PTPRG: variants seen among roughly 807,000 people sequenced by gnomAD.
PTPRG encodes receptor-type tyrosine-protein phosphatase gamma.
PTPRG carries 102 observed loss-of-function variants against 165.3 expected under a neutral mutation model. The observed-to-expected ratio is 0.62, with a 90% CI of 0.53 to 0.73. The LOEUF (loss-of-function observed/expected upper bound fraction) is 0.73, where lower values mean the gene tolerates loss of function less well. Ranked by LOEUF, PTPRG falls within the 30% of genes least tolerant of loss-of-function variation. PTPRG has a pLI of 0.00. For missense variants in PTPRG, 1,866 were observed against 1,861.4 expected (o/e 1.00, Z -0.05); for synonymous variants, 675 against 669.5 (o/e 1.01, Z -0.13).
At chr3:61,853,707 G>A (rs1019702569) in intron 2 of PTPRG, among the ~76,000 whole-genome samples, 1 of 152,188 alleles carries the variant, frequency 6.6e-6, no homozygotes, top group Non-Finnish European at 1.5e-5. Flanking sequence ...GGGGGATTTA[G>A]TTACACAGCA....
At chr3:62,009,021 C>A (rs2041358634) in intron 4 of PTPRG, among the ~76,000 whole-genome samples, 1 of 152,176 alleles carries the variant, frequency 6.6e-6, no homozygotes, top group African/African-American at 2.4e-5. Flanking sequence ...CTATAACGAG[C>A]AAATGAACAG....
At position 61,562,501 on chromosome 3, in the gene PTPRG, C is replaced by G. The variant is rs1699784111; in HGVS notation, c.85+129C>G. 29 of 782,518 alleles carry G rather than the reference C, an allele frequency of 3.7e-5. No homozygotes were observed. The South Asian group carries it at 4.4e-4, about 12-fold the overall frequency. 48.5% of individuals were successfully genotyped at this position (782,518 alleles called of 1,614,324 possible). On this transcript the variant is annotated intron_variant, in intron 1 of 29. Transcript: ENST00000474889. ...GAGAGGGTGGAGGGTGGCCCGGCGC[C>G]CGGATAGGAGAAAAGGATTGCTCCG...
In PTPRG at chr3:62,142,934, C is replaced by G. The variant is rs76506145; in HGVS notation, c.682+10266C>G. Among the ~76,000 whole-genome samples the G allele has an allele frequency of 2.6e-3, 393 of 152,284 alleles. 1 individual carries two copies. The highest frequency in any genetic ancestry group is 8.7e-3 in the African/African-American group (363 of 41,576). ...GAGATACAACCACCATGGCCCGCAT[C>G]ATATAGAAAGGCAAGCAAAGCAGTC... is the stretch of plus-strand genomic sequence containing the variant. On this transcript the variant is annotated intron_variant, in intron 6 of 29. Coordinates refer to ENST00000474889, the MANE Select transcript of PTPRG (RefSeq NM_002841.4).
intron 12 of PTPRG, among the ~76,000 whole-genome samples, chr3:62,208,354 CAA>C (rs1700280139): frequency 6.6e-6 from 1 of 152,194 alleles, no homozygotes. Context: ...GCATACCCTA[CAA>C]AAACATTTCA....
intron 1 of PTPRG, among the ~76,000 whole-genome samples, chr3:61,621,587 C>G (rs1701459510): frequency 6.6e-6 from 1 of 152,122 alleles, no homozygotes; most frequent in South Asian, 2.1e-4. Context: ...TCTTCCTTAA[C>G]TCCTTCACTC....
chr3:61,619,814 G>C (rs1254400151), intron 1 of PTPRG, among the ~76,000 whole-genome samples: 1 of 152,182 alleles, frequency 6.6e-6, no homozygotes, highest in Non-Finnish European at 1.5e-5. Context: ...TAGTGGATTT[G>C]TTTATGGGCT....
At chr3:61,939,457 A>G (rs1284327437) in intron 2 of PTPRG, among the ~76,000 whole-genome samples, 1 of 152,236 alleles carries the variant, frequency 6.6e-6, no homozygotes, top group Admixed American at 6.5e-5. Flanking sequence ...AGATTGCTAA[A>G]TCTGTCATCC....
At chr3:61,603,043 A>G (rs941809701) in intron 1 of PTPRG, among the ~76,000 whole-genome samples, 3 of 152,042 alleles carry the variant, frequency 2.0e-5, no homozygotes, top group African/African-American at 7.2e-5. Flanking sequence ...ACATTTAGTG[A>G]TGTTACTTCA....
In PTPRG at chr3:61,928,811, G is replaced by A. The variant is rs138176217; in HGVS notation, c.191-60814G>A. Reference sequence around the variant, plus strand: ...TTTATAGAAAGGTATCAGATGTATTGTGACAGTCTATAGATGTAATAAAAT... The same window carrying A: ...TTTATAGAAAGGTATCAGATGTATTATGACAGTCTATAGATGTAATAAAAT... On this transcript the variant is annotated intron_variant, in intron 2 of 29. Coordinates refer to ENST00000474889, the MANE Select transcript of PTPRG (RefSeq NM_002841.4). Among the ~76,000 whole-genome samples the A allele has an allele frequency of 2.6e-4, 39 of 152,178 alleles. No individual in the cohort carries two copies. In the East Asian group the frequency reaches 7.4e-3, roughly 29 times the overall value.
chr3:61,991,846 G>C (rs902551121), intron 3 of PTPRG, among the ~76,000 whole-genome samples: 1 of 152,162 alleles, frequency 6.6e-6, no homozygotes, highest in Non-Finnish European at 1.5e-5. Context: ...ACAGCTTTCA[G>C]CTTCGTATCA....
chr3:61,764,064 C>A (rs2033939867), intron 2 of PTPRG, among the ~76,000 whole-genome samples: 1 of 152,030 alleles, frequency 6.6e-6, no homozygotes, highest in South Asian at 2.1e-4. Context: ...AGGATATAGG[C>A]ATTATAGAGG....
At chr3:62,000,097 G>A (rs974012701) in intron 3 of PTPRG, among the ~76,000 whole-genome samples, 1 of 152,108 alleles carries the variant, frequency 6.6e-6, no homozygotes, top group Non-Finnish European at 1.5e-5. Context: ...GAGGTCAGGA[G>A]TTCGAGACCA....
chr3:61,701,999 G>A (rs1338152970), intron 1 of PTPRG, among the ~76,000 whole-genome samples: 2 of 151,896 alleles, frequency 1.3e-5, no homozygotes, highest in African/African-American at 2.4e-5. Flanking sequence ...TATTTTTTGA[G>A]ACAGGGTCTC....
chr3:61,884,376 C>G (rs1443356245), intron 2 of PTPRG, among the ~76,000 whole-genome samples: 1 of 152,046 alleles, frequency 6.6e-6, no homozygotes. Flanking sequence ...TGGGTCAGCC[C>G]TCAGGGAATT....
intron 4 of PTPRG, among the ~76,000 whole-genome samples, chr3:62,046,261 G>GCGTA (rs3068429): frequency 0.42 from 63,896 of 151,674 alleles, 13,967 homozygotes; most frequent in Middle Eastern, 0.54. Flanking sequence ...TTCCCCCAGA[G>GCGTA]CGTATCCTTG....
At chr3:62,241,368 A>G (rs1701156142) in intron 14 of PTPRG, among the ~76,000 whole-genome samples, 1 of 152,092 alleles carries the variant, frequency 6.6e-6, no homozygotes, top group Non-Finnish European at 1.5e-5. Context: ...GCCCACCCAT[A>G]TATTTGTGTG....
At chr3:62,196,055 T>A (rs1045279739) in intron 10 of PTPRG, among the ~76,000 whole-genome samples, 3 of 151,494 alleles carry the variant, frequency 2.0e-5, no homozygotes. Context: ...CCCAAAGCTC[T>A]GAGATTACAG....
At chr3:61,645,322 A>G (rs1702170121) in intron 1 of PTPRG, among the ~76,000 whole-genome samples, 1 of 152,192 alleles carries the variant, frequency 6.6e-6, no homozygotes, top group South Asian at 2.1e-4. Flanking sequence ...GTGTTTGCCC[A>G]CCTGTTGTTT....
intron 12 of PTPRG, among the ~76,000 whole-genome samples, chr3:62,218,118 G>A (rs931963508): frequency 3.3e-5 from 5 of 152,100 alleles, no homozygotes; most frequent in Admixed American, 1.3e-4. Context: ...AGGAGCCCAC[G>A]GACAGAAGCA....
Sources: gnomAD v4.1 joint callset for allele counts (sites outside exome capture counted in the v4.1 genomes callset) on GRCh38, gnomAD v4.1.1 for gene constraint, MANE v1.5 for transcripts, NCBI Gene and HGNC (gene_info 2026-07-23, HGNC 2026-07-21) for gene names.